TRIM37: variants seen among roughly 807,000 people sequenced by gnomAD.
TRIM37 encodes the protein tripartite motif containing 37, also known as E3 ubiquitin-protein ligase TRIM37.
Under a neutral mutation model 129.8 loss-of-function variants are expected in TRIM37, and 80 were observed. The ratio of observed to expected loss-of-function variants is 0.62; its 90% CI spans 0.51 to 0.74. The LOEUF (loss-of-function observed/expected upper bound fraction) is 0.74, where lower values mean the gene tolerates loss of function less well. Ranked by LOEUF, TRIM37 falls within the 30% of genes least tolerant of loss-of-function variation. The pLI, the probability that TRIM37 is intolerant of heterozygous loss-of-function variation, is 0.00. For synonymous variants in TRIM37, 389 were observed against 387.1 expected (o/e 1.00, Z -0.06); for missense variants, 1,054 against 1,176.5 (o/e 0.90, Z 1.52).
At chr17:58,974,554 T>C in the TRIM37 span, among the ~76,000 whole-genome samples, 1 of 152,200 alleles carries the variant, frequency 6.6e-6, no homozygotes, top group Non-Finnish European at 1.5e-5. Context: ...GGGTTTATTA[T>C]TTTAGGCTTC....
chr17:59,029,897 A>G (rs1158192980), intron 18 of TRIM37, among the ~76,000 whole-genome samples: 1 of 152,224 alleles, frequency 6.6e-6, no homozygotes, highest in Non-Finnish European at 1.5e-5. Flanking sequence ...CTTCACTGAA[A>G]GGTATTTTCA....
rs182346107 is a variant in TRIM37, at chr17:59,106,664, G to A, written c.-203C>T. 2 of 641,192 alleles carry A rather than the reference G, an allele frequency of 3.1e-6. No homozygotes were observed. Among genetic ancestry groups the A allele is most frequent in the African/African-American group, 1.8e-5 (1 of 54,682 alleles). 39.7% of individuals were successfully genotyped at this position (641,192 alleles called of 1,614,324 possible). A position where few individuals can be genotyped will look rare whatever the true frequency, so the allele number is the denominator to read the frequency against. ...CCCATTTCGCCATTTTTACCGGCGC[G>A]CCCGCCCCGAGGCGCAGAAGTAGGG... is the stretch of plus-strand genomic sequence containing the variant. On this transcript the variant is annotated 5_prime_UTR_variant, in exon 1 of 24. Transcript: ENST00000262294.
At chr17:59,041,331 T>A (rs559460130) in intron 17 of TRIM37, among the ~76,000 whole-genome samples, 1 of 152,300 alleles carries the variant, frequency 6.6e-6, no homozygotes, top group East Asian at 1.9e-4. Context: ...AACTGAAAAC[T>A]ATAAAATGAG....
chr17:59,049,224 T>C lies in TRIM37; in HGVS notation c.1484A>G (p.Lys495Arg), dbSNP rs769839041. Reference sequence around the variant, plus strand: ...CTTCTCCTCATCTTCTTCATCCTCTTTGGCCTCTCTTACAGAAGCTGTAGT... The same window carrying C: ...CTTCTCCTCATCTTCTTCATCCTCTCTGGCCTCTCTTACAGAAGCTGTAGT... ...GPTTASVREA[K>R]EDEEDEEKIQ... The change falls in exon 15 of 24, where the codon AAA becomes AGA. Residue 495 changes from lysine to arginine, a missense_variant. Coordinates refer to ENST00000262294, the MANE Select transcript of TRIM37 (RefSeq NM_015294.6). 5.6e-6 allele frequency: 9 copies of C among 1,614,216 alleles called. No homozygotes were observed. The highest frequency in any genetic ancestry group is 2.2e-5 in the East Asian group (1 of 44,878).
At chr17:59,067,636 T>C (rs1165835087) in intron 9 of TRIM37, among the ~76,000 whole-genome samples, 1 of 152,140 alleles carries the variant, frequency 6.6e-6, no homozygotes, top group Non-Finnish European at 1.5e-5. Flanking sequence ...GTATCTTTTA[T>C]TTTTTCTTTT....
At chr17:59,031,787 C>T in intron 18 of TRIM37, 109 bp downstream of exon 18, 1 of 1,128,520 alleles carries the variant, frequency 8.9e-7, no homozygotes, top group Non-Finnish European at 1.3e-6. Context: ...CAATGAAAAA[C>T]ACAGAAATAC....
At chr17:59,064,324 C>CA (rs780527775) in intron 10 of TRIM37, 31 bp downstream of exon 10, 4 of 1,562,518 alleles carry the variant, frequency 2.6e-6, no homozygotes, top group South Asian at 2.3e-5. Flanking sequence ...TATACACATA[C>CA]AAAAAAACCA....
At chr17:59,007,247 G>A (rs921113259) in intron 22 of TRIM37, among the ~76,000 whole-genome samples, 22 of 87,704 alleles carry the variant, frequency 2.5e-4, no homozygotes, top group African/African-American at 8.5e-4. Context: ...ACACACACAC[G>A]TTCCTGATGA....
Position 59,041,035 on chromosome 17 carries a change from A to G in TRIM37, c.1753+778T>C, listed in dbSNP as rs965592010. Among the ~76,000 whole-genome samples the G allele has an allele frequency of 9.2e-5, 14 of 152,146 alleles. 1 individual carries two copies. In the South Asian group the frequency reaches 2.7e-3, roughly 29 times the overall value. On this transcript the variant is annotated intron_variant, in intron 17 of 23. Transcript: ENST00000262294. ...CAGTCCGCAGTCCGACCTGGGCGAC[A>G]GAGCGAGACTCCGTCTCAAAAAAAA...
chr17:59,044,183 T>C (rs1333228825), intron 16 of TRIM37, among the ~76,000 whole-genome samples: 1 of 152,290 alleles, frequency 6.6e-6, no homozygotes, highest in African/African-American at 2.4e-5. Context: ...GGCATGCACC[T>C]GTAGTCCTAG....
At chr17:59,104,564 G>A in intron 1 of TRIM37, 170 bp from the exon 2 acceptor site, 4 of 771,592 alleles carry the variant, frequency 5.2e-6, no homozygotes, top group Admixed American at 1.7e-5. Context: ...CAAAACATCT[G>A]GAAAATGTAC....
At chr17:59,020,555 T>G (rs2036495299) in intron 19 of TRIM37, among the ~76,000 whole-genome samples, 1 of 152,014 alleles carries the variant, frequency 6.6e-6, no homozygotes, top group Non-Finnish European at 1.5e-5. Flanking sequence ...GTAACTGACT[T>G]AAGTAGCAGC....
At chr17:59,052,660 A>G (rs1370749474) in intron 13 of TRIM37, among the ~76,000 whole-genome samples, 2 of 151,750 alleles carry the variant, frequency 1.3e-5, no homozygotes, top group Non-Finnish European at 2.9e-5. Flanking sequence ...AGTATTAAAA[A>G]AAGAGAGAGA....
chr17:59,046,206 A>T (rs565888064), intron 16 of TRIM37, among the ~76,000 whole-genome samples: 1 of 152,292 alleles, frequency 6.6e-6, no homozygotes, highest in East Asian at 1.9e-4. Flanking sequence ...AATTCATAGG[A>T]AAAAGTAGGA....
chr17:59,032,292 G>A (rs558741697), intron 17 of TRIM37, among the ~76,000 whole-genome samples: 112 of 151,998 alleles, frequency 7.4e-4, no homozygotes, highest in African/African-American at 1.8e-3. Context: ...TTGGGAGGCC[G>A]AGGCGGGTGG....
At chr17:58,977,675 G>C (rs1321537165), downstream of TRIM37, among the ~76,000 whole-genome samples, 1 of 152,194 alleles carries the variant, frequency 6.6e-6, no homozygotes, top group Non-Finnish European at 1.5e-5. Flanking sequence ...GGTTCTAGCA[G>C]AGTTATCCAT....
chr17:59,015,576 T>C, intron 21 of TRIM37, 34 bp downstream of exon 21: 1 of 1,603,930 alleles, frequency 6.2e-7, no homozygotes, highest in Non-Finnish European at 8.5e-7. Flanking sequence ...TATTAGCTAT[T>C]ATACCATTAC....
intron 17 of TRIM37, among the ~76,000 whole-genome samples, chr17:59,034,592 T>G (rs1223637417): frequency 6.6e-6 from 1 of 151,932 alleles, no homozygotes; most frequent in Non-Finnish European, 1.5e-5. Context: ...ACTCCCGACC[T>G]CAGGTGATTG....
downstream of TRIM37, among the ~76,000 whole-genome samples, chr17:58,978,605 G>A (rs374115843): frequency 1.1e-3 from 172 of 152,254 alleles, 4 homozygotes; most frequent in South Asian, 0.032. Context: ...CAGCTACTCC[G>A]GAGGCGGAGG....
Sources: gnomAD v4.1 joint callset for allele counts (sites outside exome capture counted in the v4.1 genomes callset) on GRCh38, gnomAD v4.1.1 for gene constraint, MANE v1.5 for transcripts, NCBI Gene and HGNC (gene_info 2026-07-23, HGNC 2026-07-21) for gene names.